Variants in MACROD2 observed in about 807,000 individuals in gnomAD.
The protein encoded by MACROD2 is mono-ADP ribosylhydrolase 2, also known as ADP-ribose glycohydrolase MACROD2.
Under a neutral mutation model 70.4 loss-of-function variants are expected in MACROD2, and 36 were observed. The observed-to-expected ratio is 0.51, with a 90% confidence interval of 0.39 to 0.68. The LOEUF is 0.68. Among genes scored for constraint, MACROD2 ranks in the 30% least tolerant of loss-of-function variants. The pLI, the probability that MACROD2 is intolerant of heterozygous loss-of-function variation, is 0.00. For missense variants in MACROD2, 496 were observed against 538.4 expected (o/e 0.92, Z 0.78); for synonymous variants, 172 against 178.8 (o/e 0.96, Z 0.30).
chr20:15,612,705 T>G (rs1254863508), intron 8 of MACROD2, among the ~76,000 whole-genome samples: 1 of 152,248 alleles, frequency 6.6e-6, no homozygotes, highest in African/African-American at 2.4e-5. Flanking sequence ...ATGGCTCTGT[T>G]GTTTTCTTGT....
At chr20:14,048,059 A>G (rs1167431775) in intron 2 of MACROD2, among the ~76,000 whole-genome samples, 1 of 151,586 alleles carries the variant, frequency 6.6e-6, no homozygotes, top group Non-Finnish European at 1.5e-5. Flanking sequence ...AAACATTCCT[A>G]TAGAATTCTG....
intron 6 of MACROD2, among the ~76,000 whole-genome samples, chr20:15,430,489 C>T (rs2046350913): frequency 1.3e-5 from 2 of 152,138 alleles, no homozygotes; most frequent in South Asian, 4.1e-4. Context: ...AGTAAAACAG[C>T]TTGGTTGAAT....
intron 3 of MACROD2, among the ~76,000 whole-genome samples, chr20:14,343,377 T>A (rs924460672): frequency 9.9e-5 from 15 of 152,200 alleles, no homozygotes; most frequent in Admixed American, 2.6e-4. Context: ...TTAGTTCCTT[T>A]ATTTATGAAG....
At chr20:14,735,898 A>G (rs1446788836) in intron 5 of MACROD2, among the ~76,000 whole-genome samples, 3 of 152,118 alleles carry the variant, frequency 2.0e-5, no homozygotes, top group Non-Finnish European at 4.4e-5. Context: ...TGGTGTAGCT[A>G]CTGTGGAAAA....
chr20:15,095,861 T>TTGTGTGTGTGTG (rs11468899), intron 5 of MACROD2, among the ~76,000 whole-genome samples: 8 of 148,474 alleles, frequency 5.4e-5, no homozygotes, highest in African/African-American at 2.0e-4. Flanking sequence ...ACCATGTTGT[T>TTGTGTGTGTGTG]TGTGTGTGTG....
intron 5 of MACROD2, among the ~76,000 whole-genome samples, chr20:14,877,728 G>C (rs1305203123): frequency 6.6e-6 from 1 of 151,962 alleles, no homozygotes. Context: ...CTATTGAGAG[G>C]ATCATATGGT....
At chr20:15,915,033 C>T (rs1393856957) in intron 10 of MACROD2, among the ~76,000 whole-genome samples, 3 of 152,192 alleles carry the variant, frequency 2.0e-5, no homozygotes, top group Non-Finnish European at 2.9e-5. Context: ...GCTTCTGTCC[C>T]TATGGAGTTG....
intron 3 of MACROD2, among the ~76,000 whole-genome samples, chr20:14,210,408 A>G (rs35649080): frequency 6.6e-6 from 1 of 152,188 alleles, no homozygotes; most frequent in East Asian, 1.9e-4. Flanking sequence ...TGCCTTATTT[A>G]TAGGGACTTT....
At chr20:15,385,463 G>A (rs544118090) in intron 6 of MACROD2, among the ~76,000 whole-genome samples, 1 of 152,290 alleles carries the variant, frequency 6.6e-6, no homozygotes, top group South Asian at 2.1e-4. Context: ...TGACATGATT[G>A]CATCCAGTGT....
intron 3 of MACROD2, among the ~76,000 whole-genome samples, chr20:14,300,040 C>T (rs2082461598): frequency 6.6e-6 from 1 of 152,080 alleles, no homozygotes; most frequent in Admixed American, 6.6e-5. Flanking sequence ...TTTTCCCCAC[C>T]CCCATCCATA....
chr20:15,197,946 C>T (rs546937904), intron 5 of MACROD2, among the ~76,000 whole-genome samples: 1 of 143,506 alleles, frequency 7.0e-6, no homozygotes, highest in South Asian at 2.2e-4. Flanking sequence ...ATTTTCCTGC[C>T]TTGGCCTGGC....
intron 7 of MACROD2, among the ~76,000 whole-genome samples, chr20:15,452,392 A>G (rs987267786): frequency 2.0e-5 from 3 of 152,148 alleles, no homozygotes; most frequent in African/African-American, 7.2e-5. Context: ...AGGTGACCCA[A>G]AAAAAGATAG....
intron 3 of MACROD2, among the ~76,000 whole-genome samples, chr20:14,470,116 G>T (rs1432837931): frequency 6.6e-6 from 1 of 152,026 alleles, no homozygotes; most frequent in Non-Finnish European, 1.5e-5. Context: ...GGGTTTTTGT[G>T]TGGACATCCT....
At chr20:15,960,538 G>A (rs1031574937) in intron 12 of MACROD2, among the ~76,000 whole-genome samples, 3 of 152,168 alleles carry the variant, frequency 2.0e-5, no homozygotes, top group African/African-American at 7.2e-5. Flanking sequence ...TTATTTGGGA[G>A]GTGTTCTCAG....
chr20:15,685,669 A>G (rs1224054127), intron 8 of MACROD2, among the ~76,000 whole-genome samples: 1 of 151,874 alleles, frequency 6.6e-6, no homozygotes, highest in Non-Finnish European at 1.5e-5. Flanking sequence ...TCTAACCTCC[A>G]GGCTTTCACC....
intron 5 of MACROD2, among the ~76,000 whole-genome samples, chr20:15,132,926 G>A (rs1463013046): frequency 6.6e-6 from 1 of 151,998 alleles, no homozygotes; most frequent in Admixed American, 6.6e-5. Context: ...TGTGATAATA[G>A]TATTATTTTT....
intron 6 of MACROD2, among the ~76,000 whole-genome samples, chr20:15,238,156 G>A (rs1288273777): frequency 6.6e-6 from 1 of 152,196 alleles, no homozygotes; most frequent in African/African-American, 2.4e-5. Context: ...ATAGAGCAAA[G>A]CTACATTGAA....
chr20:15,334,100 C>A (rs1021689256), intron 6 of MACROD2, among the ~76,000 whole-genome samples: 4 of 151,774 alleles, frequency 2.6e-5, no homozygotes, highest in South Asian at 4.1e-4. Context: ...AGTTCTTTGT[C>A]CCCTGTTCCC....
At chr20:14,240,742 G>A (rs776583837) in intron 3 of MACROD2, among the ~76,000 whole-genome samples, 6 of 152,210 alleles carry the variant, frequency 3.9e-5, no homozygotes, top group Non-Finnish European at 5.9e-5. Context: ...GAGGTACTAT[G>A]CCTATTACCT....
Sources: gnomAD v4.1 joint callset for allele counts (sites outside exome capture counted in the v4.1 genomes callset) on GRCh38, gnomAD v4.1.1 for gene constraint, MANE v1.5 for transcripts, NCBI Gene and HGNC (gene_info 2026-07-23, HGNC 2026-07-21) for gene names.